Variants in EML5 observed in about 807,000 individuals in gnomAD.
The protein encoded by EML5 is echinoderm microtubule-associated protein-like 5.
In EML5, 120 loss-of-function variants were observed where a neutral mutation model predicts 250.0. The observed-to-expected ratio is 0.48, with a 90% CI of 0.41 to 0.56. The LOEUF is 0.56. Ranked by LOEUF, EML5 falls within the 20% of genes least tolerant of loss-of-function variation. EML5 has a pLI of 0.00. For missense variants in EML5, 2,006 were observed against 2,437.6 expected (o/e 0.82, Z 3.73); for synonymous variants, 771 against 806.5 (o/e 0.96, Z 0.75).
In EML5 at chr14:88,661,095, G is replaced by C. The variant is rs145367266; in HGVS notation, c.3675+559C>G. On this transcript the variant is annotated intron_variant, in intron 25 of 43. Transcript: ENST00000554922. ...TTAATATTGGGGATAAAAGGAATGT[G>C]TCTCTCTCTCTGACACAGGGTTTTG... 5.1e-3 allele frequency among the ~76,000 whole-genome samples: 781 copies of C among 152,172 alleles called. 5 individuals are homozygous for C. Among genetic ancestry groups the C allele is most frequent in the African/African-American group, 0.018 (748 of 41,526 alleles).
intron 8 of EML5, among the ~76,000 whole-genome samples, chr14:88,716,063 G>A (rs1456919740): frequency 6.6e-6 from 1 of 152,098 alleles, no homozygotes; most frequent in East Asian, 1.9e-4. Context: ...GTAGGGGGAA[G>A]TAAAAATTCT....
rs1441389565 is a variant in EML5 at position 88,625,299 on chromosome 14, AG to A, written c.4741-173del. 9 of 653,896 alleles carry A rather than the reference AG, an allele frequency of 1.4e-5. No homozygotes were observed. The African/African-American group carries it at 1.5e-4, about 11-fold the overall frequency. 40.5% of individuals were successfully genotyped at this position (653,896 alleles called of 1,614,324 possible). ...GTCAGGAAACCTGAACGGGAGGCTT[AG>A]CTTTGTCAGGACCTTTTCCTTTCCA... is the stretch of plus-strand genomic sequence containing the variant. On this transcript the variant is annotated intron_variant, in intron 35 of 43. Coordinates refer to ENST00000554922, the MANE Select transcript of EML5 (RefSeq NM_183387.3).
At position 88,744,011 on chromosome 14, in the gene EML5, CCCTTCTAGTA is replaced by C. The variant is rs1358516351; in HGVS notation, c.525+2_525+11del. The C allele has an allele frequency of 3.3e-6, 5 of 1,531,032 alleles. No homozygotes were observed. The highest frequency in any genetic ancestry group is 4.4e-6 in the Non-Finnish European group (5 of 1,130,170). The allele number at this position is 1,531,032 out of a possible 1,614,324, so 94.8% of individuals were successfully genotyped here. ...TAAACGTGACTATTATAAAACAAGA[CCCTTCTAGTA>C]CCTTGATATGTTTTACACCACAGCT... On this transcript the variant is annotated splice_donor_variant and splice_donor_5th_base_variant and intron_variant, in intron 4 of 43. Coordinates refer to ENST00000554922, the MANE Select transcript of EML5 (RefSeq NM_183387.3). LOFTEE classifies it high-confidence loss of function.
intron 1 of EML5, among the ~76,000 whole-genome samples, chr14:88,789,801 A>G (rs1354871745): frequency 1.3e-5 from 2 of 152,254 alleles, no homozygotes; most frequent in Non-Finnish European, 1.5e-5. Flanking sequence ...TTGCACTCAC[A>G]TTTTCAAAAC....
chr14:88,774,979 C>T (rs1281038962), intron 1 of EML5, among the ~76,000 whole-genome samples: 1 of 152,216 alleles, frequency 6.6e-6, no homozygotes, highest in Non-Finnish European at 1.5e-5. Context: ...GTTTCAGGCC[C>T]TAGCTACCAG....
chr14:88,661,512 T>C (rs2092099760), intron 25 of EML5, 142 bp downstream of exon 25: 9 of 715,284 alleles, frequency 1.3e-5, no homozygotes, highest in Middle Eastern at 3.6e-4. Flanking sequence ...GCTATAGATA[T>C]GAAACATAAT....
intron 6 of EML5, among the ~76,000 whole-genome samples, chr14:88,737,958 T>C (rs2093869917): frequency 6.6e-6 from 1 of 152,196 alleles, no homozygotes; most frequent in African/African-American, 2.4e-5. Flanking sequence ...AAAGAGAGAA[T>C]TTTACTTTTT....
At chr14:88,700,594 T>C (rs193265926) in intron 14 of EML5, among the ~76,000 whole-genome samples, 1 of 152,270 alleles carries the variant, frequency 6.6e-6, no homozygotes, top group Non-Finnish European at 1.5e-5. Context: ...GCATGACTTA[T>C]TACTGCAAAC....
At chr14:88,652,677 C>T (rs919466684) in intron 27 of EML5, among the ~76,000 whole-genome samples, 4 of 152,108 alleles carry the variant, frequency 2.6e-5, no homozygotes, top group African/African-American at 7.2e-5. Flanking sequence ...TCTCACCTCC[C>T]ACTCCCTCTG....
rs58052105 is a variant in EML5 at position 88,684,391 on chromosome 14, C to T, written c.2982+624G>A. 9.2e-3 allele frequency among the ~76,000 whole-genome samples: 1,245 copies of T among 135,956 alleles called. 18 individuals are homozygous for T. The highest frequency in any genetic ancestry group is 0.034 in the African/African-American group (1,197 of 34,956). 89.2% of individuals were successfully genotyped at this position (135,956 alleles called of 152,430 possible). ...TTCACCGTTTTAGCCGGGATGGTCT[C>T]GATCTCCTGACCTCGTGATCCGCCC... On this transcript the variant is annotated intron_variant, in intron 20 of 43. Transcript: ENST00000554922.
At chr14:88,664,694 G>A in intron 22 of EML5, 70 bp from the exon 23 acceptor site, 2 of 1,477,134 alleles carry the variant, frequency 1.4e-6, no homozygotes, top group Non-Finnish European at 1.8e-6. Context: ...TGCAACTAGA[G>A]TTAATTTTCC....
At chr14:88,759,698 A>AAAAAAAAAAAAAAAAAAAC (rs758968634) in intron 1 of EML5, among the ~76,000 whole-genome samples, 9 of 142,200 alleles carry the variant, frequency 6.3e-5, no homozygotes, top group African/African-American at 1.6e-4. Context: ...AAAAAAAAAA[A>AAAAAAAAAAAAAAAAAAAC]AAAAAACTGG....
intron 1 of EML5, among the ~76,000 whole-genome samples, chr14:88,787,511 TTAAATG>T (rs1349157009): frequency 6.6e-6 from 1 of 152,188 alleles, no homozygotes; most frequent in Non-Finnish European, 1.5e-5. Context: ...AGGAAAATAA[TTAAATG>T]TAAATCTAAT....
chr14:88,665,089 A>T (rs11628477), intron 22 of EML5, among the ~76,000 whole-genome samples: 13,076 of 152,224 alleles, frequency 0.086, 683 homozygotes, highest in Non-Finnish European at 0.12. Flanking sequence ...TATATCACAA[A>T]TGAGGAAACA....
chr14:88,741,680 T>C (rs2093927044), intron 4 of EML5, among the ~76,000 whole-genome samples: 1 of 152,070 alleles, frequency 6.6e-6, no homozygotes, highest in African/African-American at 2.4e-5. Context: ...GAATAGCTAC[T>C]GCACTCCAGC....
chr14:88,654,176 T>C (rs1168544930), intron 27 of EML5, among the ~76,000 whole-genome samples: 1 of 152,196 alleles, frequency 6.6e-6, no homozygotes, highest in Non-Finnish European at 1.5e-5. Flanking sequence ...CTCTCTTTTC[T>C]TCTTTATTAG....
At chr14:88,779,581 T>C (rs904890174) in intron 1 of EML5, among the ~76,000 whole-genome samples, 6 of 152,204 alleles carry the variant, frequency 3.9e-5, no homozygotes, top group Non-Finnish European at 8.8e-5. Flanking sequence ...AAAGCTCAAA[T>C]TGTCCCATGT....
chr14:88,755,851 G>A (rs1371535930), intron 1 of EML5, among the ~76,000 whole-genome samples: 1 of 151,980 alleles, frequency 6.6e-6, no homozygotes, highest in Non-Finnish European at 1.5e-5. Flanking sequence ...TTTTTTTAAT[G>A]AGCCAGACAT....
chr14:88,616,025 C>T, intron 43 of EML5, 117 bp downstream of exon 43: 4 of 1,293,036 alleles, frequency 3.1e-6, no homozygotes, highest in Non-Finnish European at 1.1e-6. Context: ...TCTGGTTATA[C>T]TACCTTCTAC....
Sources: allele counts gnomAD v4.1 joint callset (sites outside exome capture counted in the v4.1 genomes callset), GRCh38; gene constraint gnomAD v4.1.1; transcripts MANE v1.5; gene names NCBI Gene and HGNC (gene_info 2026-07-23, HGNC 2026-07-21).